Variants in CFAP70 observed in about 807,000 individuals in gnomAD.
CFAP70 encodes the protein cilia and flagella associated protein 70.
A neutral mutation model predicts 137.6 loss-of-function variants in CFAP70; 81 were observed. That is an observed-to-expected ratio of 0.59 (90% confidence interval 0.49 to 0.71). CFAP70 has a LOEUF of 0.71. Ranked by LOEUF, CFAP70 falls within the 30% of genes least tolerant of loss-of-function variation. CFAP70 has a pLI of 0.00. For synonymous variants in CFAP70, 382 were observed against 423.6 expected, an observed-to-expected ratio of 0.90 and a Z score of 1.20; for missense variants, 976 against 1,226.7, an observed-to-expected ratio of 0.80 and a Z score of 3.05.
chr10:73,359,903 A>AAC (rs573807541), upstream of CFAP70, among the ~76,000 whole-genome samples: 45 of 151,668 alleles, frequency 3.0e-4, no homozygotes, highest in Admixed American at 6.6e-4. Flanking sequence ...ACTAAAAAAA[A>AAC]ACACACACAC....
Position 73,298,894 on chromosome 10 carries a change from G to C in CFAP70, c.1512+13C>G, listed in dbSNP as rs367901338. The C allele has an allele frequency of 2.7e-5, 44 of 1,612,194 alleles. No homozygotes were observed. The highest frequency in any genetic ancestry group is 3.6e-5 in the Non-Finnish European group (42 of 1,178,858). ...AAACACCCATGGAGTAATTAAACAA[G>C]TGAATGTTTTACCTTGAGTTGTTCT... On this transcript the variant is annotated intron_variant, in intron 14 of 26. Transcript: ENST00000310715.
chr10:73,351,051 G>A (rs1384627773), intron 3 of CFAP70, among the ~76,000 whole-genome samples: 2 of 47,520 alleles, frequency 4.2e-5, no homozygotes, highest in African/African-American at 2.4e-4. Context: ...ATATATGTGT[G>A]TGTGTGTGTG....
At chr10:73,288,264 G>A (rs1162023925) in intron 19 of CFAP70, among the ~76,000 whole-genome samples, 1 of 151,944 alleles carries the variant, frequency 6.6e-6, no homozygotes, top group Non-Finnish European at 1.5e-5. Flanking sequence ...AAAGGCAAAA[G>A]GAACACAGAA....
At chr10:73,328,283 C>T (rs1238956949) in intron 8 of CFAP70, among the ~76,000 whole-genome samples, 3 of 151,934 alleles carry the variant, frequency 2.0e-5, no homozygotes, top group Non-Finnish European at 4.4e-5. Context: ...ACTGGCTAGC[C>T]ATATGGAGAA....
At chr10:73,353,529 T>C (rs540467049) in intron 3 of CFAP70, 27 bp downstream of exon 3, 89 of 1,599,550 alleles carry the variant, frequency 5.6e-5, no homozygotes, top group East Asian at 3.4e-4. Context: ...AATCGGGACA[T>C]TGATTTTTAG....
intron 1 of CFAP70, among the ~76,000 whole-genome samples, chr10:73,355,924 G>A (rs371016749): frequency 2.6e-5 from 4 of 152,134 alleles, no homozygotes; most frequent in African/African-American, 9.7e-5. Flanking sequence ...CAAAAAGGTT[G>A]GGGACTGCTG....
At chr10:73,278,378 A>T in intron 19 of CFAP70, 41 bp from the exon 21 acceptor site, 1 of 1,548,506 alleles carries the variant, frequency 6.5e-7, no homozygotes, top group South Asian at 1.2e-5. Flanking sequence ...AACTTCTTAC[A>T]TTGGGTGTTT....
At chr10:73,255,711 AT>A (rs2044420329) in intron 26 of CFAP70, among the ~76,000 whole-genome samples, 1 of 151,906 alleles carries the variant, frequency 6.6e-6, no homozygotes, top group East Asian at 1.9e-4. Flanking sequence ...CGCTCGGCTA[AT>A]TTTTTTGTAT....
intron 9 of CFAP70, among the ~76,000 whole-genome samples, chr10:73,320,405 C>T (rs927045548): frequency 6.6e-5 from 10 of 152,182 alleles, no homozygotes; most frequent in Admixed American, 6.5e-4. Context: ...CTCACTGCAG[C>T]CTTGACCTCC....
At chr10:73,351,094 T>TAC (rs1169701643) in intron 3 of CFAP70, among the ~76,000 whole-genome samples, 1 of 128,920 alleles carries the variant, frequency 7.8e-6, no homozygotes, top group Non-Finnish European at 1.7e-5. Context: ...TATATATATA[T>TAC]ATATATATAT....
chr10:73,293,387 G>A, exon 16 of CFAP70: 1 of 1,590,414 alleles, frequency 6.3e-7, no homozygotes, highest in Non-Finnish European at 8.5e-7. Context: ...ATCTGGCATG[G>A]TCTTGTCAAT....
chr10:73,316,981 A>T (rs1162211989), intron 9 of CFAP70, among the ~76,000 whole-genome samples: 1 of 152,118 alleles, frequency 6.6e-6, no homozygotes, highest in Non-Finnish European at 1.5e-5. Flanking sequence ...CTAGCAACAA[A>T]TTCTTTCAGC....
At chr10:73,263,298 T>A (rs957356074) in intron 25 of CFAP70, among the ~76,000 whole-genome samples, 2 of 152,180 alleles carry the variant, frequency 1.3e-5, no homozygotes, top group Non-Finnish European at 2.9e-5. Flanking sequence ...AGTCTCACTA[T>A]GTCGCCCAGG....
chr10:73,329,356 G>A (rs2051830996), intron 8 of CFAP70, among the ~76,000 whole-genome samples: 1 of 152,082 alleles, frequency 6.6e-6, no homozygotes, highest in African/African-American at 2.4e-5. Flanking sequence ...CGGGGGAGCG[G>A]GGAGGGATAG....
rs2044752047 is a variant in CFAP70 at position 73,258,485 on chromosome 10, A to G, written c.3028-2069T>C. 2.0e-5 allele frequency among the ~76,000 whole-genome samples: 3 copies of G among 152,300 alleles called. No individual in the cohort carries two copies. The South Asian group carries it at 6.2e-4, about 32-fold the overall frequency. ...TATGTTGCCTCAGGATCCTGTGATG[A>G]TTACGTTATCTGCACAAATTGTTTG... On this transcript the variant is annotated intron_variant, in intron 25 of 26. Coordinates refer to ENST00000310715, the Ensembl canonical transcript of CFAP70.
At chr10:73,300,108 C>T (rs2048839689) in intron 12 of CFAP70, among the ~76,000 whole-genome samples, 1 of 152,110 alleles carries the variant, frequency 6.6e-6, no homozygotes, top group Admixed American at 6.5e-5. Context: ...TCCCCGTCTA[C>T]AATAAAAGTG....
At position 73,275,742 on chromosome 10, in the gene CFAP70, G is replaced by A. The variant is rs2046677884; in HGVS notation, c.2521-144C>T. On this transcript the variant is annotated intron_variant, in intron 21 of 26. Coordinates refer to ENST00000310715, the Ensembl canonical transcript of CFAP70. This position sits in a 1 kb window ranked among gnomAD's most constrained non-coding sequence, Gnocchi z 4.0. ...TCCTCAACTTCAAAAGGTAAAGGGT[G>A]AATTACAAACATTCTGCACTTCATA... 6 of 724,576 alleles carry A rather than the reference G, an allele frequency of 8.3e-6. No individual in the cohort carries two copies. The highest frequency in any genetic ancestry group is 1.2e-5 in the Non-Finnish European group (6 of 485,182). The allele number at this position is 724,576 out of a possible 1,614,324, so 44.9% of individuals were successfully genotyped here.
chr10:73,351,003 GTGTGTA>G (rs1227127087), intron 3 of CFAP70, among the ~76,000 whole-genome samples: 24 of 140,728 alleles, frequency 1.7e-4, no homozygotes, highest in African/African-American at 6.9e-4. Context: ...GTGTGTATAT[GTGTGTA>G]TGTGTGTGTA....
chr10:73,277,095 C>T lies in CFAP70; in HGVS notation c.2520+145G>A. ...AAAGAGTGGTTCATGTTTGGATGTT[C>T]TTTCCATTGGGCTTAAAGTATGCTC... is the stretch of plus-strand genomic sequence containing the variant. On this transcript the variant is annotated intron_variant, in intron 21 of 26. Coordinates refer to ENST00000310715, the Ensembl canonical transcript of CFAP70. 4 of 1,029,110 alleles carry T rather than the reference C, an allele frequency of 3.9e-6. No homozygotes were observed. The South Asian group carries it at 6.1e-5, about 16-fold the overall frequency. The allele number at this position is 1,029,110 out of a possible 1,614,324, so 63.7% of individuals were successfully genotyped here. A position where few individuals can be genotyped will look rare whatever the true frequency, so the allele number is the denominator to read the frequency against.
Sources: allele counts gnomAD v4.1 joint callset (sites outside exome capture counted in the v4.1 genomes callset), GRCh38; gene constraint gnomAD v4.1.1; non-coding constraint Gnocchi (gnomAD v3.1); transcripts MANE v1.5; gene names NCBI Gene and HGNC (gene_info 2026-07-23, HGNC 2026-07-21).